Variants in SLC20A2 observed in about 807,000 individuals in gnomAD.
The protein encoded by SLC20A2 is solute carrier family 20 member 2.
SLC20A2 carries 30 observed loss-of-function variants against 61.0 expected under a neutral mutation model. The observed-to-expected ratio is 0.49, with a 90% confidence interval of 0.37 to 0.67. The LOEUF (loss-of-function observed/expected upper bound fraction) is 0.67. SLC20A2 is among the 30% of genes least tolerant of loss of function. The probability of loss-of-function intolerance (pLI) is 0.00; values close to 1 mark genes in which losing one functional copy is unlikely to be tolerated. For missense variants in SLC20A2, 626 were observed against 866.4 expected (o/e 0.72, Z 3.48); for synonymous variants, 351 against 353.3 (o/e 0.99, Z 0.07).
intron 1 of SLC20A2, among the ~76,000 whole-genome samples, chr8:42,483,449 T>C (rs1808709161): frequency 6.6e-6 from 1 of 152,178 alleles, no homozygotes; most frequent in African/African-American, 2.4e-5. Context: ...CCCACCGAAG[T>C]GAGCTCCCAC....
chr8:42,488,590 CTAATTT>C (rs1351961783), intron 1 of SLC20A2, among the ~76,000 whole-genome samples: 8 of 152,134 alleles, frequency 5.3e-5, no homozygotes, highest in Non-Finnish European at 1.2e-4. Flanking sequence ...TGTGGTCATT[CTAATTT>C]TAAGTTTCTG....
rs554469785 is a variant in SLC20A2, at chr8:42,448,951, T to C, written c.614-4189A>G. On this transcript the variant is annotated intron_variant, in intron 5 of 10. Coordinates refer to ENST00000520262, the MANE Select transcript of SLC20A2 (RefSeq NM_001257180.2). The stretch of plus-strand genomic sequence containing the variant: ...ACAGCTCCAAATTGTACTAAGTATA[T>C]AAAATCCAGTTTCGTGGATAAAAAA... 2.0e-5 allele frequency among the ~76,000 whole-genome samples: 3 copies of C among 152,286 alleles called. No homozygotes were observed. The South Asian group carries it at 6.2e-4, about 32-fold the overall frequency.
At chr8:42,419,432 G>A (rs1051462153) in intron 10 of SLC20A2, among the ~76,000 whole-genome samples, 4 of 152,100 alleles carry the variant, frequency 2.6e-5, no homozygotes, top group Admixed American at 6.6e-5. Context: ...TTAGCCAGGT[G>A]TGGTGGTGCA....
chr8:42,437,089 T>G lies in SLC20A2; in HGVS notation c.1423A>C (p.Lys475Gln), dbSNP rs759413136. ...QPREDPAEEEKEEKDAPEVHL... is the reference protein window; with the variant it reads ...QPREDPAEEEQEEKDAPEVHL... ...ACCTCGGGTGCGTCCTTCTCCTCCT[T>G]CTCCTCCTCTGCAGGGTCCTCTCGC... Residue 475 changes from lysine (K) to glutamine (Q), a missense_variant, in exon 8 of 11, where the codon AAG becomes CAG. Lys to Gln is a moderately conservative substitution (Grantham distance 53). This residue lies in a region of SLC20A2 where 361 missense variants were observed against 422.3 expected (regional missense o/e 0.85). Coordinates refer to ENST00000520262, the MANE Select transcript of SLC20A2 (RefSeq NM_001257180.2). This position sits in a 1 kb window ranked among gnomAD's most constrained non-coding sequence, Gnocchi z 6.4. 22 of 1,614,028 alleles carry G rather than the reference T, an allele frequency of 1.4e-5. No homozygotes were observed. In the South Asian group the frequency reaches 2.3e-4, roughly 17 times the overall value.
chr8:42,470,407 C>T (rs1191604723), intron 2 of SLC20A2, among the ~76,000 whole-genome samples: 1 of 151,736 alleles, frequency 6.6e-6, no homozygotes, highest in Non-Finnish European at 1.5e-5. Flanking sequence ...TTTGTACAGA[C>T]AGGGTCTCCC....
intron 1 of SLC20A2, among the ~76,000 whole-genome samples, chr8:42,533,850 G>C (rs1812532987): frequency 6.7e-6 from 1 of 150,252 alleles, no homozygotes; most frequent in Non-Finnish European, 1.5e-5. Flanking sequence ...GTGGAGACGG[G>C]GGTTTCACTA....
intron 5 of SLC20A2, among the ~76,000 whole-genome samples, chr8:42,459,620 AT>A (rs1039756208): frequency 1.3e-5 from 2 of 151,730 alleles, no homozygotes; most frequent in East Asian, 1.9e-4. Context: ...TGGGGATTTA[AT>A]TTTTTTTTCT....
chr8:42,421,071 C>A (rs1301579577), intron 10 of SLC20A2, among the ~76,000 whole-genome samples: 1 of 152,230 alleles, frequency 6.6e-6, no homozygotes, highest in African/African-American at 2.4e-5. Context: ...GAAGTGACTT[C>A]ATTACAACAT....
chr8:42,481,028 A>G (rs1242227806), intron 1 of SLC20A2, among the ~76,000 whole-genome samples: 1 of 152,106 alleles, frequency 6.6e-6, no homozygotes, highest in Non-Finnish European at 1.5e-5. Flanking sequence ...TTCTTCCCTC[A>G]TCTTCCTTAT....
rs1030617796 is a variant in SLC20A2 at position 42,430,002 on chromosome 8, G to C, written c.1709+62C>G. ...GAGCAGGCCGTTCAGACACAGCCGG[G>C]AAGCTCTACCCAGGCCTCGGATGAC... is the stretch of plus-strand genomic sequence containing the variant. On this transcript the variant is annotated intron_variant, in intron 9 of 10. Transcript: ENST00000520262. The C allele has an allele frequency of 8.3e-6, 12 of 1,442,006 alleles. No individual in the cohort carries two copies. In the African/African-American group the frequency reaches 1.7e-4, roughly 21 times the overall value. The allele number at this position is 1,442,006 out of a possible 1,614,324, so 89.3% of individuals were successfully genotyped here.
chr8:42,458,101 CATAACAGACA>C (rs1428412791), intron 5 of SLC20A2, among the ~76,000 whole-genome samples: 2 of 152,060 alleles, frequency 1.3e-5, no homozygotes. Flanking sequence ...AATCTTCATC[CATAACAGACA>C]TTAAGAAGAT....
upstream of SLC20A2, among the ~76,000 whole-genome samples, chr8:42,504,244 T>C (rs1193679617): frequency 1.3e-5 from 2 of 152,232 alleles, no homozygotes; most frequent in Non-Finnish European, 2.9e-5. Flanking sequence ...CCTGGCTTCT[T>C]GGCATTCTTT....
chr8:42,483,770 CA>C (rs1808733732), intron 1 of SLC20A2, among the ~76,000 whole-genome samples: 2 of 152,204 alleles, frequency 1.3e-5, no homozygotes, highest in South Asian at 4.1e-4. Flanking sequence ...AACCTAGGAT[CA>C]CTTGTTCCAA....
rs1446115385 is a variant in SLC20A2 at position 42,500,330 on chromosome 8, C to A, written c.-265+701G>T. Among the ~76,000 whole-genome samples the A allele has an allele frequency of 2.6e-5, 4 of 152,302 alleles. No individual in the cohort carries two copies. The East Asian group carries it at 7.7e-4, about 29-fold the overall frequency. ...AATTTAAAATATTCAATATCAAAAT[C>A]TTTTGTTTTCTTCAGTACAAATTTA... On this transcript the variant is annotated intron_variant, in intron 1 of 10. Coordinates refer to ENST00000520262, the MANE Select transcript of SLC20A2 (RefSeq NM_001257180.2).
intron 1 of SLC20A2, among the ~76,000 whole-genome samples, chr8:42,536,165 T>C (rs974867469): frequency 1.3e-5 from 2 of 152,226 alleles, no homozygotes; most frequent in Admixed American, 6.5e-5. Flanking sequence ...ACACAAGGTA[T>C]AGGTCAATAT....
At chr8:42,467,356 A>C (rs546798521) in intron 2 of SLC20A2, among the ~76,000 whole-genome samples, 1 of 152,292 alleles carries the variant, frequency 6.6e-6, no homozygotes, top group South Asian at 2.1e-4. Context: ...ATATTTTCAT[A>C]AGCAGATCAG....
At chr8:42,541,601 CA>C (rs900646322) in intron 1 of SLC20A2, 4 of 149,648 alleles carry the variant, frequency 2.7e-5, no homozygotes, top group African/African-American at 7.3e-5. Flanking sequence ...AGAGGGCGTC[CA>C]GGTCCGCTCG....
intron 5 of SLC20A2, among the ~76,000 whole-genome samples, chr8:42,452,307 G>A (rs537413118): frequency 5.5e-5 from 8 of 145,560 alleles, no homozygotes; most frequent in Non-Finnish European, 1.0e-4. Context: ...AGGAGGTGGA[G>A]GAAGAGATGG....
chr8:42,485,412 C>T (rs182604030), intron 1 of SLC20A2, among the ~76,000 whole-genome samples: 12 of 151,960 alleles, frequency 7.9e-5, no homozygotes, highest in African/African-American at 2.2e-4. Flanking sequence ...GAGGTCGAGG[C>T]GGGTGAATCG....
Sources: allele counts gnomAD v4.1 joint callset (sites outside exome capture counted in the v4.1 genomes callset), GRCh38; gene constraint gnomAD v4.1.1; regional missense constraint gnomAD v4.1.1; non-coding constraint Gnocchi (gnomAD v3.1); transcripts MANE v1.5; gene names NCBI Gene and HGNC (gene_info 2026-07-23, HGNC 2026-07-21).